Variants in PCDHA4 observed in about 807,000 individuals in gnomAD.
The protein encoded by PCDHA4 is protocadherin alpha 4, also known as protocadherin alpha-4.
In PCDHA4, 49 loss-of-function variants were observed where a neutral mutation model predicts 61.4. That is an observed-to-expected ratio of 0.80 (90% CI 0.63 to 1.01). PCDHA4 has a LOEUF of 1.01. Ranked by LOEUF, PCDHA4 falls within the 50% of genes least tolerant of loss-of-function variation. The probability of loss-of-function intolerance (pLI) is 0.00; values close to 1 mark genes in which losing one functional copy is unlikely to be tolerated. For missense variants in PCDHA4, 1,254 were observed against 1,235.8 expected (o/e 1.01, Z -0.22); for synonymous variants, 590 against 550.3 (o/e 1.07, Z -1.01).
intron 1 of PCDHA4, chr5:140,871,459 G>A (rs781872546): frequency 6.2e-6 from 10 of 1,605,178 alleles, no homozygotes; most frequent in Admixed American, 1.7e-5. Flanking sequence ...GGAGGAAGGG[G>A]AAAGACAGGA....
intron 1 of PCDHA4, among the ~76,000 whole-genome samples, chr5:140,972,578 C>A (rs1554234223): frequency 6.6e-6 from 1 of 151,798 alleles, no homozygotes; most frequent in Non-Finnish European, 1.5e-5. Flanking sequence ...GGCAATAGGG[C>A]AGAATTTCTC....
At chr5:140,982,691 C>G in intron 3 of PCDHA4, 128 bp downstream of exon 3, 1 of 1,408,152 alleles carries the variant, frequency 7.1e-7, no homozygotes, top group Non-Finnish European at 9.3e-7. Flanking sequence ...TTTTTCCATA[C>G]ATACATGATT....
At chr5:140,836,938 A>G in intron 1 of PCDHA4, 1 of 463,722 alleles carries the variant, frequency 2.2e-6, no homozygotes, top group Non-Finnish European at 3.7e-6. Flanking sequence ...AATACTATAG[A>G]TCAAAATCTA....
At chr5:140,822,931 T>G in intron 1 of PCDHA4, 1 of 1,614,276 alleles carries the variant, frequency 6.2e-7, no homozygotes, top group Non-Finnish European at 8.5e-7. Flanking sequence ...GCAGGTGACC[T>G]GCTCCCTAAT....
In PCDHA4 at chr5:140,850,114, C is replaced by G. The variant is rs1286583620; in HGVS notation, c.2385+40542C>G. ...CAGTTCCAGGTGAGCGCGCGCGACG[C>G]GGGCGTGCCGCCTCTGGGCAGCAAC... On this transcript the variant is annotated intron_variant, in intron 1 of 3. Coordinates refer to ENST00000530339, the MANE Select transcript of PCDHA4 (RefSeq NM_018907.4). 9 of 1,595,876 alleles carry G rather than the reference C, an allele frequency of 5.6e-6. 1 individual carries two copies. The highest frequency in any genetic ancestry group is 1.1e-5 in the South Asian group (1 of 90,494).
intron 1 of PCDHA4, chr5:140,842,724 A>G (rs2150343018): frequency 6.3e-7 from 1 of 1,594,394 alleles, no homozygotes; most frequent in Admixed American, 1.7e-5. Flanking sequence ...AAGGAGAACA[A>G]CCCGCCGGGC....
At chr5:140,993,727 T>C (rs1482867785) in intron 3 of PCDHA4, among the ~76,000 whole-genome samples, 1 of 152,220 alleles carries the variant, frequency 6.6e-6, no homozygotes, top group Non-Finnish European at 1.5e-5. Context: ...ACCTTTTCTA[T>C]GTTTAGATAC....
At chr5:140,876,475 A>G (rs1385416022) in intron 1 of PCDHA4, 1 of 1,614,054 alleles carries the variant, frequency 6.2e-7, no homozygotes, top group Non-Finnish European at 8.5e-7. Context: ...AGGTCACAGC[A>G]TGGTCCTGGT....
chr5:140,827,425 A>G (rs2150147472), intron 1 of PCDHA4, among the ~76,000 whole-genome samples: 1 of 152,380 alleles, frequency 6.6e-6, no homozygotes, highest in East Asian at 1.9e-4. Context: ...CTAGAATTTT[A>G]TCTTCCATCA....
At position 140,857,673 on chromosome 5, in the gene PCDHA4, C is replaced by G. The variant is rs372854727; in HGVS notation, c.2385+48101C>G. On this transcript the variant is annotated intron_variant, in intron 1 of 3. Transcript: ENST00000530339. The stretch of plus-strand genomic sequence containing the variant: ...GTGAGCGCGCGCGATGGGGGCGTGC[C>G]GCCTCTGGGCAGCAACTTGACGCTG... 6.3e-7 allele frequency: 1 copy of G among 1,596,942 alleles called. No homozygotes were observed. Among genetic ancestry groups the G allele is most frequent in the Non-Finnish European group, 8.6e-7 (1 of 1,167,760 alleles).
intron 1 of PCDHA4, chr5:140,968,853 A>G (rs782470050): frequency 3.7e-6 from 6 of 1,614,108 alleles, no homozygotes; most frequent in Non-Finnish European, 4.2e-6. Context: ...AGGCATGTTA[A>G]GAGCCCTCGG....
chr5:140,912,497 T>A (rs2075943539), intron 1 of PCDHA4, among the ~76,000 whole-genome samples: 1 of 152,174 alleles, frequency 6.6e-6, no homozygotes. Context: ...ATCTAGGAGC[T>A]TTTTGGATGA....
intron 3 of PCDHA4, among the ~76,000 whole-genome samples, chr5:141,002,613 A>G (rs1587992392): frequency 1.3e-5 from 2 of 152,206 alleles, no homozygotes; most frequent in African/African-American, 4.8e-5. Context: ...AAACAGACAC[A>G]TAACACAGAC....
intron 1 of PCDHA4, chr5:140,842,691 A>C: frequency 1.9e-6 from 3 of 1,595,350 alleles, no homozygotes; most frequent in Non-Finnish European, 2.6e-6. Flanking sequence ...GCGTTCGCGC[A>C]GCCCGAGTAC....
chr5:140,870,763 G>T (rs1386684596), intron 1 of PCDHA4: 1 of 1,613,434 alleles, frequency 6.2e-7, no homozygotes, highest in African/African-American at 1.3e-5. Context: ...GCAGGTGTTC[G>T]TGCTGGACGA....
Position 140,808,806 on chromosome 5 carries a change from C to T in PCDHA4, c.1619C>T (p.Ala540Val). ...CAGTTTCAGGTGACCGCTCGCGATG[C>T]CGGCGTGCCACCTCTGGGCAGCAAC... is the stretch of plus-strand genomic sequence containing the variant. Reference protein sequence around the residue: ...LLQFQVTARDAGVPPLGSNVT... With the variant: ...LLQFQVTARDVGVPPLGSNVT... Residue 540 changes from alanine to valine, a missense_variant, in exon 1 of 4, where the codon GCC (alanine) becomes GTC (valine). Transcript: ENST00000530339. 6.2e-7 allele frequency: 1 copy of T among 1,612,650 alleles called. No individual in the cohort carries two copies. The highest frequency in any genetic ancestry group is 1.3e-5 in the African/African-American group (1 of 75,034).
intron 1 of PCDHA4, chr5:140,967,890 C>G: frequency 6.2e-7 from 1 of 1,614,176 alleles, no homozygotes; most frequent in Non-Finnish European, 8.5e-7. Context: ...AGCCCAGTGC[C>G]TGAGAATGCT....
chr5:140,872,073 T>C (rs2053472746), intron 1 of PCDHA4, among the ~76,000 whole-genome samples: 1 of 152,222 alleles, frequency 6.6e-6, no homozygotes, highest in Admixed American at 6.5e-5. Context: ...TAGCTGGGAA[T>C]GCAGTGCCAC....
intron 1 of PCDHA4, chr5:140,842,797 C>T (rs1554139391): frequency 1.3e-6 from 2 of 1,594,372 alleles, no homozygotes; most frequent in East Asian, 2.2e-5. Context: ...TGGTGTCCTA[C>T]TCGCTTGTGG....
Sources: gnomAD v4.1 joint callset for allele counts (sites outside exome capture counted in the v4.1 genomes callset) on GRCh38, gnomAD v4.1.1 for gene constraint, MANE v1.5 for transcripts, NCBI Gene and HGNC (gene_info 2026-07-23, HGNC 2026-07-21) for gene names.